ANKRD17: variants seen among roughly 807,000 people sequenced by gnomAD.
ANKRD17 encodes ankyrin repeat domain-containing protein 17.
In ANKRD17, 19 loss-of-function variants were observed where a neutral mutation model predicts 229.7. The ratio of observed to expected loss-of-function variants is 0.08; its 90% CI spans 0.06 to 0.12. The LOEUF (loss-of-function observed/expected upper bound fraction) is 0.12, where lower values mean the gene tolerates loss of function less well. Among genes scored for constraint, ANKRD17 ranks in the 10% least tolerant of loss-of-function variants. The probability of loss-of-function intolerance (pLI) is 1.00; values close to 1 mark genes in which losing one functional copy is unlikely to be tolerated. For synonymous variants in ANKRD17, 1,112 were observed against 1,146.1 expected (o/e 0.97, Z 0.60); for missense variants, 2,176 against 3,176.8 (o/e 0.68, Z 7.57).
At position 73,124,964 on chromosome 4, in the gene ANKRD17, T is replaced by C. The variant is rs753389915; in HGVS notation, c.3441A>G (p.Glu1147=). Residue 1147 remains glutamate, a synonymous_variant, in exon 18 of 34, where the codon GAA becomes GAG. Transcript: ENST00000358602. ...AGGAGAGTGGTGTGTCCTTGGTTCTTTCAGACTGGGCTTCAATGTCTGCAC... is the reference window on the plus strand; with the variant it reads ...AGGAGAGTGGTGTGTCCTTGGTTCTCTCAGACTGGGCTTCAATGTCTGCAC... ...DNGADIEAQS[E]RTKDTPLSLA... is the part of the protein sequence containing the mutation. 1.2e-5 allele frequency: 19 copies of C among 1,614,042 alleles called. No individual in the cohort carries two copies. Among genetic ancestry groups the C allele is most frequent in the Middle Eastern group, 3.3e-4 (2 of 6,084 alleles).
chr4:73,227,442 C>T (rs911026582), intron 1 of ANKRD17, among the ~76,000 whole-genome samples: 1 of 152,064 alleles, frequency 6.6e-6, no homozygotes, highest in Non-Finnish European at 1.5e-5. Context: ...TGTGAGCCAC[C>T]GCACCCAGCC....
intron 14 of ANKRD17, among the ~76,000 whole-genome samples, chr4:73,141,445 C>T (rs1729592691): frequency 6.6e-6 from 1 of 152,072 alleles, no homozygotes; most frequent in Non-Finnish European, 1.5e-5. Context: ...AAATATTGCT[C>T]AACTATACCC....
At chr4:73,186,364 T>G (rs1448653551) in intron 1 of ANKRD17, among the ~76,000 whole-genome samples, 1 of 152,116 alleles carries the variant, frequency 6.6e-6, no homozygotes, top group Non-Finnish European at 1.5e-5. Context: ...AAATAAAATC[T>G]TTCTTGTAAA....
chr4:73,088,231 A>T (rs767640125), intron 29 of ANKRD17, among the ~76,000 whole-genome samples: 1 of 152,202 alleles, frequency 6.6e-6, no homozygotes, highest in Non-Finnish European at 1.5e-5. Flanking sequence ...ACACAAAATG[A>T]ATTAGGAAGA....
intron 1 of ANKRD17, among the ~76,000 whole-genome samples, chr4:73,194,287 G>A (rs2149078863): frequency 6.6e-6 from 1 of 152,240 alleles, no homozygotes; most frequent in Admixed American, 6.5e-5. Flanking sequence ...TAGTGCCAAG[G>A]AATAGGTTGA....
Position 73,224,571 on chromosome 4 carries a change from T to A in ANKRD17, c.393+33705A>T, listed in dbSNP as rs183165408. Among the ~76,000 whole-genome samples the A allele has an allele frequency of 3.5e-3, 538 of 152,296 alleles. 3 individuals are homozygous for A. Among genetic ancestry groups the A allele is most frequent in the Non-Finnish European group, 5.5e-3 (374 of 68,024 alleles). On this transcript the variant is annotated intron_variant, in intron 1 of 33. Transcript: ENST00000358602. The stretch of plus-strand genomic sequence containing the variant: ...TCAAGCAATATATGATTTCTTTTTT[T>A]AAAAAAATAAACATATTATTTATCC...
intron 19 of ANKRD17, 61 bp from the exon 20 acceptor site, chr4:73,121,155 T>C: frequency 1.5e-6 from 2 of 1,340,724 alleles, no homozygotes; most frequent in Non-Finnish European, 2.1e-6. Context: ...GACAGAAAAA[T>C]TGGAGATGAT....
intron 26 of ANKRD17, among the ~76,000 whole-genome samples, 172 bp downstream of exon 26, chr4:73,097,901 T>C (rs1708808569): frequency 6.6e-6 from 1 of 152,200 alleles, no homozygotes; most frequent in East Asian, 1.9e-4. Flanking sequence ...TGTCTCATTA[T>C]ATAAAATCTA....
chr4:73,149,147 A>C (rs1332361455), intron 7 of ANKRD17, 97 bp from the exon 8 acceptor site: 1 of 959,146 alleles, frequency 1.0e-6, no homozygotes. Context: ...AAGTTTATCT[A>C]TCTCCACTCA....
intron 1 of ANKRD17, among the ~76,000 whole-genome samples, chr4:73,179,488 G>GTATGTATATATA (rs1735198977): frequency 2.1e-5 from 1 of 48,240 alleles, no homozygotes; most frequent in African/African-American, 8.8e-5. Flanking sequence ...GTGTGTGTGT[G>GTATGTATATATA]TATATATATA....
At chr4:73,121,495 C>T (rs1726714285) in intron 19 of ANKRD17, 122 bp downstream of exon 19, 2 of 1,244,278 alleles carry the variant, frequency 1.6e-6, no homozygotes, top group Non-Finnish European at 2.3e-6. Flanking sequence ...ATCTCTAACA[C>T]TTTGAATGCC....
intron 32 of ANKRD17, 24 bp downstream of exon 32, chr4:73,077,331 A>G: frequency 1.3e-6 from 2 of 1,576,014 alleles, no homozygotes; most frequent in East Asian, 2.3e-5. Context: ...CCCTTAAATA[A>G]CTAGTACAAA....
Position 73,179,160 on chromosome 4 carries a change from T to G in ANKRD17, c.394-1627A>C, listed in dbSNP as rs991331407. 2.0e-5 allele frequency among the ~76,000 whole-genome samples: 3 copies of G among 151,970 alleles called. No homozygotes were observed. In the East Asian group the frequency reaches 5.8e-4, roughly 29 times the overall value. ...AATCAAAACATTTAATACTAAATTT[T>G]AAATCTGGGAAGAAATAATATGTTT... On this transcript the variant is annotated intron_variant, in intron 1 of 33. Coordinates refer to ENST00000358602, the MANE Select transcript of ANKRD17 (RefSeq NM_032217.5).
At position 73,119,682 on chromosome 4, in the gene ANKRD17, C is replaced by T. The variant is rs553689364; in HGVS notation, c.4025+480G>A. Reference sequence around the variant, plus strand: ...AGTGCACGAAAACAAGTTAAACAGACAAGCATCTTTGGAAAACTAGCAGGC... The same window carrying T: ...AGTGCACGAAAACAAGTTAAACAGATAAGCATCTTTGGAAAACTAGCAGGC... On this transcript the variant is annotated intron_variant, in intron 21 of 33. Transcript: ENST00000358602. 2.6e-5 allele frequency among the ~76,000 whole-genome samples: 4 copies of T among 152,300 alleles called. No individual in the cohort carries two copies. The South Asian group carries it at 8.3e-4, about 32-fold the overall frequency.
chr4:73,122,698 G>T (rs1031243867), intron 18 of ANKRD17, among the ~76,000 whole-genome samples: 10 of 151,996 alleles, frequency 6.6e-5, no homozygotes, highest in African/African-American at 2.4e-4. Flanking sequence ...ATGAATAGTG[G>T]TTTATCTTGC....
At chr4:73,246,305 C>G (rs911464419) in intron 1 of ANKRD17, among the ~76,000 whole-genome samples, 1 of 152,100 alleles carries the variant, frequency 6.6e-6, no homozygotes, top group Non-Finnish European at 1.5e-5. Flanking sequence ...TTATGATTAT[C>G]CTATTCCTAC....
intron 30 of ANKRD17, among the ~76,000 whole-genome samples, chr4:73,079,206 CCAA>C (rs1017924588): frequency 1.3e-5 from 2 of 151,998 alleles, no homozygotes; most frequent in African/African-American, 4.8e-5. Context: ...AAAAAACAAA[CCAA>C]CAACAACAGA....
chr4:73,081,835 A>C (rs1446078795), intron 30 of ANKRD17, among the ~76,000 whole-genome samples: 1 of 152,188 alleles, frequency 6.6e-6, no homozygotes, highest in African/African-American at 2.4e-5. Flanking sequence ...TGAAAGAGCA[A>C]TGTGATTTAC....
intron 1 of ANKRD17, among the ~76,000 whole-genome samples, chr4:73,249,415 C>T (rs992782445): frequency 2.0e-5 from 3 of 152,128 alleles, no homozygotes; most frequent in Non-Finnish European, 4.4e-5. Flanking sequence ...CATAAATGTG[C>T]CATTTCTACA....
Sources: gnomAD v4.1 joint callset for allele counts (sites outside exome capture counted in the v4.1 genomes callset) on GRCh38, gnomAD v4.1.1 for gene constraint, MANE v1.5 for transcripts, NCBI Gene and HGNC (gene_info 2026-07-23, HGNC 2026-07-21) for gene names.